The following NRG1 variants were observed in gnomAD, a reference collection of about 807,000 sequenced individuals.
NRG1 encodes the protein neuregulin 1.
Under a neutral mutation model 63.8 loss-of-function variants are expected in NRG1, and 18 were observed. The observed-to-expected ratio is 0.28, with a 90% CI of 0.19 to 0.42. The LOEUF is 0.42. NRG1 is among the 10% of genes least tolerant of loss of function. The probability of loss-of-function intolerance (pLI) is 1.00; values close to 1 mark genes in which losing one functional copy is unlikely to be tolerated. For synonymous variants in NRG1, 302 were observed against 301.3 expected, an observed-to-expected ratio of 1.00 and a Z score of -0.02; for missense variants, 762 against 814.7, an observed-to-expected ratio of 0.94 and a Z score of 0.79.
intron 1 of NRG1, among the ~76,000 whole-genome samples, chr8:32,162,261 A>T (rs1838913537): frequency 6.6e-6 from 1 of 152,220 alleles, no homozygotes; most frequent in Non-Finnish European, 1.5e-5. Context: ...ATCTATCATG[A>T]TGGAATGCTG....
intron 1 of NRG1, among the ~76,000 whole-genome samples, chr8:32,132,624 A>G (rs1404146290): frequency 2.6e-5 from 4 of 152,034 alleles, no homozygotes; most frequent in African/African-American, 9.7e-5. Context: ...AAGGGGTGTA[A>G]GAAAGTGGCT....
At chr8:32,689,958 A>T (rs2128933718) in intron 5 of NRG1, among the ~76,000 whole-genome samples, 1 of 152,308 alleles carries the variant, frequency 6.6e-6, no homozygotes, top group Non-Finnish European at 1.5e-5. Context: ...TTTAGAAGAG[A>T]GGAACGAGTA....
At chr8:32,589,728 C>T (rs1275919066) in intron 1 of NRG1, among the ~76,000 whole-genome samples, 1 of 152,084 alleles carries the variant, frequency 6.6e-6, no homozygotes, top group African/African-American at 2.4e-5. Context: ...CTGTTCTTAA[C>T]AATACAGTAC....
intron 1 of NRG1, among the ~76,000 whole-genome samples, chr8:32,371,303 T>G (rs1444848488): frequency 6.6e-6 from 1 of 152,186 alleles, no homozygotes; most frequent in Non-Finnish European, 1.5e-5. Flanking sequence ...TCTATCAACA[T>G]TTGACACAGA....
At chr8:32,269,852 T>C (rs1004738159) in intron 1 of NRG1, among the ~76,000 whole-genome samples, 2 of 152,104 alleles carry the variant, frequency 1.3e-5, no homozygotes, top group Admixed American at 1.3e-4. Flanking sequence ...CTAATGAAGT[T>C]TTTGAACAAC....
chr8:32,548,112 A>C (rs1001242536), upstream of NRG1: 243 of 644,754 alleles, frequency 3.8e-4, 2 homozygotes, highest in South Asian at 3.8e-3. Context: ...CCAGCGCGGG[A>C]GGAAAAGGGG....
At chr8:31,874,439 T>A (rs905036433) in intron 1 of NRG1, among the ~76,000 whole-genome samples, 2 of 152,178 alleles carry the variant, frequency 1.3e-5, no homozygotes, top group African/African-American at 4.8e-5. Context: ...TTGTTTTGGG[T>A]ACATGGTAGG....
At chr8:32,253,106 G>A (rs1163615416) in intron 1 of NRG1, among the ~76,000 whole-genome samples, 1 of 152,140 alleles carries the variant, frequency 6.6e-6, no homozygotes, top group African/African-American at 2.4e-5. Flanking sequence ...CTGAGAAGAT[G>A]GGGTTTTCTA....
At chr8:32,109,224 C>T (rs1284193756) in intron 1 of NRG1, among the ~76,000 whole-genome samples, 1 of 152,150 alleles carries the variant, frequency 6.6e-6, no homozygotes, top group Non-Finnish European at 1.5e-5. Flanking sequence ...CAAACATCTT[C>T]CCACTTTCAT....
chr8:31,870,277 T>G (rs1232982544), intron 1 of NRG1, among the ~76,000 whole-genome samples: 1 of 151,992 alleles, frequency 6.6e-6, no homozygotes, highest in African/African-American at 2.4e-5. Flanking sequence ...CTAATTATAT[T>G]TAGAGATGGG....
At chr8:31,806,029 C>T (rs911655040) in intron 1 of NRG1, among the ~76,000 whole-genome samples, 1 of 151,894 alleles carries the variant, frequency 6.6e-6, no homozygotes, top group Non-Finnish European at 1.5e-5. Context: ...GACACATAAC[C>T]AGAGATGATT....
At chr8:32,335,962 C>T (rs1803208335) in intron 1 of NRG1, among the ~76,000 whole-genome samples, 1 of 151,342 alleles carries the variant, frequency 6.6e-6, no homozygotes, top group Non-Finnish European at 1.5e-5. Context: ...TGCATGAAAA[C>T]ACACCTACCC....
At chr8:31,904,010 G>T (rs750100661) in intron 1 of NRG1, among the ~76,000 whole-genome samples, 16 of 152,104 alleles carry the variant, frequency 1.1e-4, no homozygotes, top group Non-Finnish European at 2.2e-4. Flanking sequence ...AAATGTATCT[G>T]CTCTTCTAAA....
At chr8:32,107,033 A>G (rs893127627) in intron 1 of NRG1, among the ~76,000 whole-genome samples, 2 of 151,908 alleles carry the variant, frequency 1.3e-5, no homozygotes, top group Non-Finnish European at 2.9e-5. Flanking sequence ...CCTGACCAAC[A>G]TGGTGAAACC....
At chr8:32,088,962 C>A (rs1828692260) in intron 1 of NRG1, among the ~76,000 whole-genome samples, 1 of 152,194 alleles carries the variant, frequency 6.6e-6, no homozygotes, top group African/African-American at 2.4e-5. Flanking sequence ...TGTTACTAAG[C>A]TGCACTGCCT....
At chr8:31,973,723 G>A (rs1343444998) in intron 1 of NRG1, among the ~76,000 whole-genome samples, 2 of 152,208 alleles carry the variant, frequency 1.3e-5, no homozygotes, top group East Asian at 3.9e-4. Flanking sequence ...GGAGTAGGGA[G>A]AGGATAGGGA....
chr8:32,588,466 G>A (rs1024025893), intron 1 of NRG1, among the ~76,000 whole-genome samples: 3 of 152,194 alleles, frequency 2.0e-5, no homozygotes, highest in Non-Finnish European at 2.9e-5. Context: ...CAATATGTTT[G>A]GGAAATCAAA....
At chr8:32,013,089 T>C (rs546812477) in intron 1 of NRG1, among the ~76,000 whole-genome samples, 2 of 152,016 alleles carry the variant, frequency 1.3e-5, no homozygotes, top group South Asian at 4.2e-4. Context: ...CTTTATACAA[T>C]CAATTATCAA....
intron 5 of NRG1, among the ~76,000 whole-genome samples, chr8:32,657,497 T>A (rs1284444631): frequency 6.6e-6 from 1 of 152,048 alleles, no homozygotes. Context: ...CACTGGATGG[T>A]TAGTGGGAGA....
Sources: allele counts gnomAD v4.1 joint callset (sites outside exome capture counted in the v4.1 genomes callset), GRCh38; gene constraint gnomAD v4.1.1; transcripts MANE v1.5; gene names NCBI Gene and HGNC (gene_info 2026-07-23, HGNC 2026-07-21).